The following COL18A1 variants were observed in gnomAD, a reference collection of about 807,000 sequenced individuals.
COL18A1 encodes the protein collagen type XVIII alpha 1 chain, also known as collagen alpha-1(XVIII) chain.
Under a neutral mutation model 168.0 loss-of-function variants are expected in COL18A1, and 133 were observed. The observed-to-expected ratio is 0.79, with a 90% CI of 0.69 to 0.91. The LOEUF is 0.91. COL18A1 is among the 40% of genes least tolerant of loss of function. COL18A1 has a pLI of 0.00. For synonymous variants in COL18A1, 949 were observed against 809.0 expected (o/e 1.17, Z -2.94); for missense variants, 2,126 against 1,925.4 (o/e 1.10, Z -1.95).
rs186876772 is a variant in COL18A1, at chr21:45,457,893, G to A, written c.107-10349G>A. Among the ~76,000 whole-genome samples, 40 of 152,244 alleles carry A rather than the reference G, an allele frequency of 2.6e-4. No homozygotes were observed. Among genetic ancestry groups the A allele is most frequent in the African/African-American group, 8.4e-4 (35 of 41,538 alleles). ...GCCTGCAGTGGAAATTCTGGTGGACGCCCACCCACCAGGCTCCGTGAGGGA... is the reference window on the plus strand; with the variant it reads ...GCCTGCAGTGGAAATTCTGGTGGACACCCACCCACCAGGCTCCGTGAGGGA... On this transcript the variant is annotated intron_variant, in intron 2 of 41. Transcript: ENST00000651438. The surrounding 1 kb of genome is among the most constrained non-coding windows in gnomAD (Gnocchi z 4.6).
chr21:45,438,269 CAG>C (rs1475137582), intron 2 of COL18A1, among the ~76,000 whole-genome samples: 8 of 115,296 alleles, frequency 6.9e-5, no homozygotes, highest in Non-Finnish European at 8.7e-5. Flanking sequence ...CACTCACACT[CAG>C]ACACACAGGC....
chr21:45,438,169 TACACAC>T (rs751013760), intron 2 of COL18A1, among the ~76,000 whole-genome samples: 2 of 49,222 alleles, frequency 4.1e-5, no homozygotes, highest in Non-Finnish European at 6.9e-5. Context: ...CTCTCCTGCA[TACACAC>T]ACTCACACTC....
intron 2 of COL18A1, among the ~76,000 whole-genome samples, chr21:45,435,671 G>C (rs529495654): frequency 2.6e-5 from 4 of 152,256 alleles, no homozygotes; most frequent in Admixed American, 2.0e-4. Context: ...TTGCCCACTG[G>C]GGTAGACGCT....
At chr21:45,496,942 G>A (rs1271496836) in intron 30 of COL18A1, 108 bp from the exon 31 acceptor site, 2 of 769,130 alleles carry the variant, frequency 2.6e-6, no homozygotes, top group Non-Finnish European at 4.7e-6. Context: ...AGGCTGCTAT[G>A]TGGCCTCATA....
chr21:45,470,766 C>T (rs957239799), intron 3 of COL18A1, among the ~76,000 whole-genome samples: 3 of 152,154 alleles, frequency 2.0e-5, no homozygotes, highest in South Asian at 4.1e-4. Context: ...GGATTACAGG[C>T]GTGAGCCACT....
intron 34 of COL18A1, 43 bp downstream of exon 34, chr21:45,504,599 C>T (rs1013103699): frequency 1.3e-6 from 2 of 1,539,924 alleles, no homozygotes; most frequent in Non-Finnish European, 8.8e-7. Context: ...TCCCAGGGGT[C>T]TGGGTGCAGG....
chr21:45,421,116 T>C (rs2033609687), intron 2 of COL18A1: 1 of 278,090 alleles, frequency 3.6e-6, no homozygotes, highest in Non-Finnish European at 7.1e-6. Flanking sequence ...CCGGGTCAGC[T>C]GGTGCCTGCC....
intron 2 of COL18A1, among the ~76,000 whole-genome samples, chr21:45,441,339 G>A (rs1055834498): frequency 2.6e-5 from 4 of 152,196 alleles, no homozygotes; most frequent in Admixed American, 6.5e-5. Flanking sequence ...GGGGCAAGAC[G>A]CTGCCCCTAC....
rs748469784 is a variant in COL18A1 at position 45,505,125 on chromosome 21, C to T, written c.2869-9C>T. 3.0e-5 allele frequency: 49 copies of T among 1,607,508 alleles called. No homozygotes were observed. The highest frequency in any genetic ancestry group is 2.9e-4 in the Admixed American group (17 of 59,640). Reference sequence around the variant, plus strand: ...GTAACCAGGAAGCGTCTCTTGTCGCCGTCCGTAGGGTCCCAAGGGAGAGAG... The same window carrying T: ...GTAACCAGGAAGCGTCTCTTGTCGCTGTCCGTAGGGTCCCAAGGGAGAGAG... On this transcript the variant is annotated splice_polypyrimidine_tract_variant and intron_variant, in intron 34 of 41. Transcript: ENST00000651438.
rs1256037623 is a variant in COL18A1, at chr21:45,490,203, G to A, written c.1960-72G>A. ...CATCGCCACGTCCACGGGTGCCCCGGACTCCTCGTGGGGGTCCCTGCATTC... is the reference window on the plus strand; with the variant it reads ...CATCGCCACGTCCACGGGTGCCCCGAACTCCTCGTGGGGGTCCCTGCATTC... On this transcript the variant is annotated intron_variant, in intron 19 of 41. Transcript: ENST00000651438. The A allele has an allele frequency of 3.0e-6, 4 of 1,320,710 alleles. No homozygotes were observed. The African/African-American group carries it at 6.0e-5, about 20-fold the overall frequency. The allele number at this position is 1,320,710 out of a possible 1,614,324, so 81.8% of individuals were successfully genotyped here.
At chr21:45,406,570 C>T (rs529761227) in intron 2 of COL18A1, among the ~76,000 whole-genome samples, 1 of 152,292 alleles carries the variant, frequency 6.6e-6, no homozygotes, top group African/African-American at 2.4e-5. Context: ...CGGAGAGCGG[C>T]TGTGAGCTCA....
At chr21:45,447,080 C>T (rs952413190) in intron 2 of COL18A1, among the ~76,000 whole-genome samples, 2 of 152,106 alleles carry the variant, frequency 1.3e-5, no homozygotes, top group Admixed American at 6.6e-5. Flanking sequence ...TTCCCTATTG[C>T]GCCTTCTGTT....
At chr21:45,480,979 TCTC>T (rs1352233270) in intron 13 of COL18A1, 121 bp downstream of exon 13, 2 of 1,403,194 alleles carry the variant, frequency 1.4e-6, no homozygotes, top group Non-Finnish European at 9.7e-7. Context: ...CCTCACCTCA[TCTC>T]CTCTAGGAGC....
rs889275864 is a variant in COL18A1 at position 45,497,497 on chromosome 21, CA to C, written c.2621-101del. The C allele has an allele frequency of 4.9e-6, 7 of 1,442,278 alleles. No homozygotes were observed. In the African/African-American group the frequency reaches 9.9e-5, roughly 20 times the overall value. The allele number at this position is 1,442,278 out of a possible 1,614,324, so 89.3% of individuals were successfully genotyped here. A position where few individuals can be genotyped will look rare whatever the true frequency, so the allele number is the denominator to read the frequency against. On this transcript the variant is annotated intron_variant, in intron 31 of 41. Coordinates refer to ENST00000651438, the MANE Select transcript of COL18A1 (RefSeq NM_001379500.1). ...TCCCCATGTCCATCTGATGCCCCCC[CA>C]TCCAGGCCCCCAGGCACTAGGGCAT...
Position 45,504,505 on chromosome 21 carries a change from CCCCCCCGGCCCCCCAGG to C in COL18A1, c.2824_2840del (p.Gly942ArgfsTer139), listed in dbSNP as rs762939986. On this transcript the variant is annotated frameshift_variant, in exon 34 of 42. Transcript: ENST00000651438. LOFTEE classifies it high-confidence loss of function. ...GTTTCTTCGGCTCCAGCCTGCCCGGCCCCCCCGGCCCCCCAGGCCCCCCAGGCCCACGTGGCTACCCT... is the reference window on the plus strand; with the variant it reads ...GTTTCTTCGGCTCCAGCCTGCCCGGCCCCCCCAGGCCCACGTGGCTACCCT... The C allele has an allele frequency of 2.2e-5, 31 of 1,390,266 alleles. No individual in the cohort carries two copies. Among genetic ancestry groups the C allele is most frequent in the African/African-American group, 1.2e-4 (4 of 32,758 alleles). 86.1% of individuals were successfully genotyped at this position (1,390,266 alleles called of 1,614,324 possible).
At position 45,423,105 on chromosome 21, in the gene COL18A1, C is replaced by T. The variant is rs1028082396; in HGVS notation, c.106+17632C>T. The stretch of plus-strand genomic sequence containing the variant: ...TTGGGATTATAGGTGTGAGCCACCG[C>T]ACCCGGCCGAAGTGGTTTTAATGTC... On this transcript the variant is annotated intron_variant, in intron 2 of 41. Transcript: ENST00000651438. This position sits in a 1 kb window ranked among gnomAD's most constrained non-coding sequence, Gnocchi z 4.0. Among the ~76,000 whole-genome samples, 1 of 152,146 alleles carries T rather than the reference C, an allele frequency of 6.6e-6. No individual in the cohort carries two copies. The highest frequency in any genetic ancestry group is 6.5e-5 in the Admixed American group (1 of 15,268).
chr21:45,450,306 G>C (rs556946709), intron 2 of COL18A1, among the ~76,000 whole-genome samples: 1 of 152,148 alleles, frequency 6.6e-6, no homozygotes, highest in Non-Finnish European at 1.5e-5. Flanking sequence ...GGTCTGCCCT[G>C]CTCCCTCATC....
intron 2 of COL18A1, among the ~76,000 whole-genome samples, chr21:45,444,350 C>T (rs954753069): frequency 1.3e-4 from 19 of 146,008 alleles, no homozygotes; most frequent in African/African-American, 4.9e-4. Context: ...GAGGTGCGTG[C>T]AGGGGTGTAG....
intron 34 of COL18A1, 49 bp from the exon 35 acceptor site, chr21:45,505,085 A>G (rs1398564105): frequency 3.8e-6 from 6 of 1,590,906 alleles, no homozygotes; most frequent in Non-Finnish European, 4.3e-6. Flanking sequence ...GCCCGCCCCC[A>G]GTCCAGGGCA....
Sources: allele counts gnomAD v4.1 joint callset (sites outside exome capture counted in the v4.1 genomes callset), GRCh38; gene constraint gnomAD v4.1.1; non-coding constraint Gnocchi (gnomAD v3.1); transcripts MANE v1.5; gene names NCBI Gene and HGNC (gene_info 2026-07-23, HGNC 2026-07-21).